Variants in LHFPL3 observed in about 807,000 individuals in gnomAD.
LHFPL3 encodes LHFPL tetraspan subfamily member 3 protein.
A neutral mutation model predicts 19.3 loss-of-function variants in LHFPL3; 5 were observed. The observed-to-expected ratio is 0.26, with a 90% CI of 0.14 to 0.54. The LOEUF is 0.54. Ranked by LOEUF, LHFPL3 falls within the 20% of genes least tolerant of loss-of-function variation. LHFPL3 has a pLI of 0.94. For synonymous variants in LHFPL3, 133 were observed against 126.2 expected (o/e 1.05, Z -0.36); for missense variants, 249 against 307.4 (o/e 0.81, Z 1.42).
At position 104,328,761 on chromosome 7, in the gene LHFPL3, G is replaced by C. The variant is rs1019458914; in HGVS notation, c.-19G>C. The stretch of plus-strand genomic sequence containing the variant: ...GGCGGAGGACCAGGAGGAGGAGGAG[G>C]AGGAGGAGGAGGGGGAGAATGCCCG... On this transcript the variant is annotated 5_prime_UTR_variant, in exon 1 of 3. Coordinates refer to ENST00000424859, the MANE Select transcript of LHFPL3 (RefSeq NM_199000.3). The surrounding 1 kb of genome is among the most constrained non-coding windows in gnomAD (Gnocchi z 4.6). 3 of 1,550,918 alleles carry C rather than the reference G, an allele frequency of 1.9e-6. No homozygotes were observed. Among genetic ancestry groups the C allele is most frequent in the Admixed American group, 1.9e-5 (1 of 52,756 alleles).
At chr7:104,589,150 T>C (rs1230940496) in intron 1 of LHFPL3, among the ~76,000 whole-genome samples, 2 of 152,152 alleles carry the variant, frequency 1.3e-5, no homozygotes, top group African/African-American at 4.8e-5. Context: ...AACACTATGT[T>C]GAATAGGAGT....
At chr7:104,339,237 A>G (rs1433118626) in intron 1 of LHFPL3, among the ~76,000 whole-genome samples, 1 of 149,732 alleles carries the variant, frequency 6.7e-6, no homozygotes, top group Non-Finnish European at 1.5e-5. Context: ...AACAAGAGCG[A>G]AACTCCGTCT....
chr7:104,462,785 AT>A lies in LHFPL3; in HGVS notation c.445+133569del, dbSNP rs1010968156. Among the ~76,000 whole-genome samples, 6 of 151,764 alleles carry A rather than the reference AT, an allele frequency of 4.0e-5. No homozygotes were observed. In the East Asian group the frequency reaches 7.8e-4, roughly 20 times the overall value. On this transcript the variant is annotated intron_variant, in intron 1 of 2. Transcript: ENST00000424859. ...AGTTTGGGAGGAGTCCCTCCTCCTC[AT>A]TTTTTTTGTCATAGCTTCAATGGAA...
At chr7:104,822,301 C>G (rs1042920667) in intron 2 of LHFPL3, among the ~76,000 whole-genome samples, 1 of 152,080 alleles carries the variant, frequency 6.6e-6, no homozygotes, top group Non-Finnish European at 1.5e-5. Flanking sequence ...CAGTCTTGGT[C>G]CAAGTAGATA....
intron 1 of LHFPL3, among the ~76,000 whole-genome samples, chr7:104,443,157 T>C (rs1723681022): frequency 6.6e-6 from 1 of 152,144 alleles, no homozygotes; most frequent in Non-Finnish European, 1.5e-5. Flanking sequence ...AACTTGAGAT[T>C]GTATGGTCTT....
At chr7:104,541,907 G>C (rs1008470397) in intron 1 of LHFPL3, among the ~76,000 whole-genome samples, 1 of 151,954 alleles carries the variant, frequency 6.6e-6, no homozygotes, top group African/African-American at 2.4e-5. Context: ...AACAATGATA[G>C]GTCATTAAAG....
chr7:104,777,422 C>T (rs1170923958), intron 2 of LHFPL3, among the ~76,000 whole-genome samples: 1 of 152,212 alleles, frequency 6.6e-6, no homozygotes, highest in East Asian at 1.9e-4. Context: ...CCCGCTGTGG[C>T]CCCACCAGCT....
At chr7:104,713,614 T>C (rs2116222304) in intron 1 of LHFPL3, among the ~76,000 whole-genome samples, 1 of 152,174 alleles carries the variant, frequency 6.6e-6, no homozygotes, top group Non-Finnish European at 1.5e-5. Flanking sequence ...ACACTGAGGA[T>C]TACAATTCAA....
chr7:104,520,163 T>C (rs937400287), intron 1 of LHFPL3, among the ~76,000 whole-genome samples: 2 of 152,162 alleles, frequency 1.3e-5, no homozygotes, highest in Admixed American at 6.5e-5. Context: ...TGAAGGGTTG[T>C]TGAATTTTGT....
chr7:104,417,871 TCTTCTTCTTC>T lies in LHFPL3; in HGVS notation c.445+88648_445+88657del, dbSNP rs1562890955. On this transcript the variant is annotated intron_variant, in intron 1 of 2. Coordinates refer to ENST00000424859, the MANE Select transcript of LHFPL3 (RefSeq NM_199000.3). Reference sequence around the variant, plus strand: ...TTTCTTTTCTAATTCTTCTTCTTCTTCTTCTTCTTCTTCTTTTTTTTTTTTTTTTGAGATG... The same window carrying T: ...TTTCTTTTCTAATTCTTCTTCTTCTTTTCTTTTTTTTTTTTTTTTGAGATG... 4.8e-3 allele frequency among the ~76,000 whole-genome samples: 627 copies of T among 129,742 alleles called. 44 individuals are homozygous for T. The East Asian group carries it at 0.12, about 24-fold the overall frequency. 85.1% of individuals were successfully genotyped at this position (129,742 alleles called of 152,430 possible).
At chr7:104,722,817 T>TC (rs1430796894) in intron 1 of LHFPL3, among the ~76,000 whole-genome samples, 1 of 152,188 alleles carries the variant, frequency 6.6e-6, no homozygotes, top group Non-Finnish European at 1.5e-5. Flanking sequence ...TTCCTTTTTT[T>TC]CACCAAGTTC....
At chr7:104,835,400 G>A (rs1791071143) in intron 2 of LHFPL3, among the ~76,000 whole-genome samples, 1 of 151,892 alleles carries the variant, frequency 6.6e-6, no homozygotes, top group Non-Finnish European at 1.5e-5. Context: ...GAGATTCTCT[G>A]TAGGCACAAC....
chr7:104,869,483 T>C (rs1791791285), intron 2 of LHFPL3, among the ~76,000 whole-genome samples: 1 of 151,936 alleles, frequency 6.6e-6, no homozygotes, highest in Non-Finnish European at 1.5e-5. Flanking sequence ...AAAAGACACA[T>C]GAAAAAATGC....
Position 104,539,053 on chromosome 7 carries a change from G to C in LHFPL3, c.446-197622G>C, listed in dbSNP as rs565869370. 2.0e-5 allele frequency among the ~76,000 whole-genome samples: 3 copies of C among 152,244 alleles called. No individual in the cohort carries two copies. In the South Asian group the frequency reaches 6.2e-4, roughly 32 times the overall value. On this transcript the variant is annotated intron_variant, in intron 1 of 2. Coordinates refer to ENST00000424859, the MANE Select transcript of LHFPL3 (RefSeq NM_199000.3). ...AATATGGCCTCTACAAGCTAGGAGAGTAAAAAACCAGATTTTCCCCTAGAG... is the reference window on the plus strand; with the variant it reads ...AATATGGCCTCTACAAGCTAGGAGACTAAAAAACCAGATTTTCCCCTAGAG...
At chr7:104,820,112 C>T (rs1562803076) in intron 2 of LHFPL3, among the ~76,000 whole-genome samples, 1 of 152,138 alleles carries the variant, frequency 6.6e-6, no homozygotes, top group Admixed American at 6.5e-5. Flanking sequence ...CATTCATACA[C>T]ATCTGGACAT....
At chr7:104,442,517 A>T (rs1272277266) in intron 1 of LHFPL3, among the ~76,000 whole-genome samples, 1 of 152,212 alleles carries the variant, frequency 6.6e-6, no homozygotes, top group Non-Finnish European at 1.5e-5. Flanking sequence ...TTAACTCAGT[A>T]CATTGCTAAA....
At chr7:104,480,586 G>A (rs1793115488) in intron 1 of LHFPL3, among the ~76,000 whole-genome samples, 1 of 152,202 alleles carries the variant, frequency 6.6e-6, no homozygotes. Context: ...TTGCCAGGTT[G>A]AGGGTTGCCT....
intron 1 of LHFPL3, among the ~76,000 whole-genome samples, chr7:104,704,851 A>G (rs2116189096): frequency 6.6e-6 from 1 of 152,068 alleles, no homozygotes; most frequent in African/African-American, 2.4e-5. Flanking sequence ...GCCCAGGCTG[A>G]TCTCGAATTC....
intron 2 of LHFPL3, among the ~76,000 whole-genome samples, chr7:104,789,115 C>G (rs375812739): frequency 1.6e-4 from 25 of 152,186 alleles, no homozygotes; most frequent in African/African-American, 6.0e-4. Flanking sequence ...ATGGAAAACA[C>G]AGGGGAACTG....
Sources: gnomAD v4.1 joint callset for allele counts (sites outside exome capture counted in the v4.1 genomes callset) on GRCh38, gnomAD v4.1.1 for gene constraint, Gnocchi (gnomAD v3.1) non-coding constraint, MANE v1.5 for transcripts, NCBI Gene and HGNC (gene_info 2026-07-23, HGNC 2026-07-21) for gene names.